LRFN2: variants seen among roughly 807,000 people sequenced by gnomAD.
LRFN2 encodes the protein leucine rich repeat and fibronectin type III domain containing 2.
Under a neutral mutation model 37.3 loss-of-function variants are expected in LRFN2, and 18 were observed. That is an observed-to-expected ratio of 0.48 (90% confidence interval 0.33 to 0.72). The LOEUF is 0.72. Ranked by LOEUF, LRFN2 falls within the 30% of genes least tolerant of loss-of-function variation. The pLI is 0.02. For missense variants in LRFN2, 1,006 were observed against 1,060.7 expected (o/e 0.95, Z 0.72); for synonymous variants, 556 against 466.6 (o/e 1.19, Z -2.47).
chr6:40,431,715 T>C lies in LRFN2; in HGVS notation c.1399A>G (p.Arg467Gly). Reference protein sequence around the residue: ...NCSDDEVLIYRMIPASNKAFV... With the variant: ...NCSDDEVLIYGMIPASNKAFV... ...CCTTTGCCACAGCCGCTTGCTCACC[T>C]GTAAATCAGTACCTCATCGTCAGAG... The change falls in exon 2 of 3, where the codon AGG (arginine) becomes GGG (glycine). Residue 467 changes from arginine (R) to glycine (G), a missense_variant and splice_region_variant. By Grantham distance (125) the Arg-to-Gly change is moderately radical (BLOSUM62 -2). Around this residue, in one of 4 missense-constraint regions of LRFN2, gnomAD observed 120 missense variants for 178.4 expected, o/e 0.67. Transcript: ENST00000338305. The C allele has an allele frequency of 6.6e-7, 1 of 1,511,056 alleles. No individual in the cohort carries two copies. The highest frequency in any genetic ancestry group is 8.8e-7 in the Non-Finnish European group (1 of 1,129,996). 93.6% of individuals were successfully genotyped at this position (1,511,056 alleles called of 1,614,324 possible). A position where few individuals can be genotyped will look rare whatever the true frequency, so the allele number is the denominator to read the frequency against.
At chr6:40,476,468 A>T (rs904835066) in intron 1 of LRFN2, among the ~76,000 whole-genome samples, 2 of 152,158 alleles carry the variant, frequency 1.3e-5, no homozygotes, top group Non-Finnish European at 2.9e-5. Flanking sequence ...ACCCATCCAT[A>T]CTTCCAGCAA....
At chr6:40,496,855 A>G (rs1326802142) in intron 1 of LRFN2, among the ~76,000 whole-genome samples, 1 of 152,090 alleles carries the variant, frequency 6.6e-6, no homozygotes, top group African/African-American at 2.4e-5. Context: ...CCTGGCACAT[A>G]GTAGGTGCTT....
intron 1 of LRFN2, among the ~76,000 whole-genome samples, chr6:40,518,180 C>G (rs1002902143): frequency 2.0e-5 from 3 of 152,168 alleles, no homozygotes; most frequent in African/African-American, 7.2e-5. Context: ...CAATAAGAAC[C>G]ATTGTGGACA....
intron 2 of LRFN2, among the ~76,000 whole-genome samples, chr6:40,426,138 C>G (rs1763348009): frequency 6.6e-6 from 1 of 152,140 alleles, no homozygotes; most frequent in Admixed American, 6.5e-5. Flanking sequence ...ACAGTGCCCC[C>G]AACTAGTAAA....
chr6:40,541,642 T>A (rs915187781), intron 1 of LRFN2, among the ~76,000 whole-genome samples: 2 of 151,922 alleles, frequency 1.3e-5, no homozygotes, highest in African/African-American at 4.8e-5. Context: ...AGGCTTGGGG[T>A]GTGGAGCAGA....
At chr6:40,447,166 C>A (rs1352166258) in intron 1 of LRFN2, among the ~76,000 whole-genome samples, 2 of 152,244 alleles carry the variant, frequency 1.3e-5, no homozygotes, top group Non-Finnish European at 2.9e-5. Context: ...TATAACAAGG[C>A]CACACATTCC....
rs552652897 is a variant in LRFN2 at position 40,573,600 on chromosome 6, C to T, written c.-19+13341G>A. ...ATATCAGAAACAACTGGATTCAAAT[C>T]CTGGCTCATCCATGCATTTGCTCTG... is the stretch of plus-strand genomic sequence containing the variant. On this transcript the variant is annotated intron_variant, in intron 1 of 2. Transcript: ENST00000338305. 1.2e-4 allele frequency among the ~76,000 whole-genome samples: 18 copies of T among 152,308 alleles called. No individual in the cohort carries two copies. The East Asian group carries it at 3.5e-3, about 29-fold the overall frequency.
At chr6:40,430,951 C>T (rs542613706) in intron 2 of LRFN2, among the ~76,000 whole-genome samples, 4 of 152,060 alleles carry the variant, frequency 2.6e-5, no homozygotes, top group Non-Finnish European at 4.4e-5. Flanking sequence ...GACTCCCTGA[C>T]GGTGAAGCCA....
At chr6:40,401,343 A>T (rs928438337) in intron 2 of LRFN2, among the ~76,000 whole-genome samples, 2 of 152,024 alleles carry the variant, frequency 1.3e-5, no homozygotes, top group Non-Finnish European at 2.9e-5. Flanking sequence ...GATCTGTGCC[A>T]TCTCTGGGCC....
At chr6:40,567,409 TA>T (rs1389491174) in intron 1 of LRFN2, among the ~76,000 whole-genome samples, 1 of 152,148 alleles carries the variant, frequency 6.6e-6, no homozygotes, top group Non-Finnish European at 1.5e-5. Context: ...CTGCCTTGGC[TA>T]AAAGAAAGAG....
At position 40,406,384 on chromosome 6, in the gene LRFN2, T is replaced by G. The variant is rs116979788; in HGVS notation, c.1401-13472A>C. On this transcript the variant is annotated intron_variant, in intron 2 of 2. Coordinates refer to ENST00000338305, the MANE Select transcript of LRFN2 (RefSeq NM_020737.3). The stretch of plus-strand genomic sequence containing the variant: ...CTCTGCAGGCCAGCCGTCTGAGGTC[T>G]GGCAGTCTGTTTTGGTGCAGGCCAC... Among the ~76,000 whole-genome samples the G allele has an allele frequency of 2.3e-3, 345 of 152,318 alleles. 8 individuals are homozygous for G. The East Asian group carries it at 0.056, about 25-fold the overall frequency.
In LRFN2 at chr6:40,431,917, G is replaced by C; in HGVS notation, c.1197C>G (p.Ile399Met). 6.2e-7 allele frequency: 1 copy of C among 1,613,388 alleles called. No homozygotes were observed. Among genetic ancestry groups the C allele is most frequent in the African/African-American group, 1.3e-5 (1 of 75,058 alleles). ...TAPPKSRLSD[I>M]TGSSKTSRGG... ...CCCGGCTGGTCTTGCTGGAGCCAGT[G>C]ATGTCTGAGAGGCGGGACTTGGGGG... is the stretch of plus-strand genomic sequence containing the variant. Residue 399 changes from isoleucine to methionine, a missense_variant, in exon 2 of 3, where the codon ATC becomes ATG. Physicochemically the swap from Ile to Met is conservative, Grantham distance 10. Coordinates refer to ENST00000338305, the MANE Select transcript of LRFN2 (RefSeq NM_020737.3).
chr6:40,573,330 G>C (rs914369169), intron 1 of LRFN2, among the ~76,000 whole-genome samples: 2 of 152,236 alleles, frequency 1.3e-5, no homozygotes, highest in African/African-American at 2.4e-5. Flanking sequence ...AGGAGTGTGG[G>C]GCACTGGGGC....
intron 1 of LRFN2, among the ~76,000 whole-genome samples, chr6:40,458,376 C>A (rs1286532067): frequency 6.6e-6 from 1 of 152,180 alleles, no homozygotes; most frequent in Non-Finnish European, 1.5e-5. Context: ...GCAGTGGATA[C>A]TTTTATTTTA....
chr6:40,582,755 C>T (rs1458163737), intron 1 of LRFN2, among the ~76,000 whole-genome samples: 1 of 123,390 alleles, frequency 8.1e-6, no homozygotes, highest in Non-Finnish European at 1.8e-5. Context: ...CATGGGTAGA[C>T]TGTGTCCTTA....
chr6:40,425,859 C>A (rs942442955), intron 2 of LRFN2, among the ~76,000 whole-genome samples: 5 of 152,212 alleles, frequency 3.3e-5, no homozygotes, highest in Non-Finnish European at 7.3e-5. Flanking sequence ...TTTTATACAG[C>A]CTAATTCAAA....
At chr6:40,474,816 A>C (rs922283232) in intron 1 of LRFN2, among the ~76,000 whole-genome samples, 13 of 152,236 alleles carry the variant, frequency 8.5e-5, no homozygotes, top group Non-Finnish European at 1.8e-4. Context: ...TGAGATCCTT[A>C]TTCCAAATAA....
At chr6:40,413,017 G>C (rs1430711014) in intron 2 of LRFN2, among the ~76,000 whole-genome samples, 1 of 152,112 alleles carries the variant, frequency 6.6e-6, no homozygotes, top group African/African-American at 2.4e-5. Context: ...TCCCAGCACT[G>C]CCGTGTTCCA....
chr6:40,491,225 C>CTTCATTCTCCCCACCTCAATGTCT (rs1241859371), intron 1 of LRFN2, among the ~76,000 whole-genome samples: 7 of 152,236 alleles, frequency 4.6e-5, no homozygotes, highest in African/African-American at 1.4e-4. Context: ...GCTCAAGCTG[C>CTTCATTCTCCCCACCTCAATGTCT]TTCATTCTCC....
Sources: allele counts gnomAD v4.1 joint callset (sites outside exome capture counted in the v4.1 genomes callset), GRCh38; gene constraint gnomAD v4.1.1; regional missense constraint gnomAD v4.1.1; transcripts MANE v1.5; gene names NCBI Gene and HGNC (gene_info 2026-07-23, HGNC 2026-07-21).